Variants in HS3ST5 observed in about 807,000 individuals in gnomAD.
The protein encoded by HS3ST5 is heparan sulfate-glucosamine 3-sulfotransferase 5.
Under a neutral mutation model 25.4 loss-of-function variants are expected in HS3ST5, and 10 were observed. The ratio of observed to expected loss-of-function variants is 0.39; its 90% confidence interval spans 0.24 to 0.67. HS3ST5 has a LOEUF of 0.67. Among genes scored for constraint, HS3ST5 ranks in the 30% least tolerant of loss-of-function variants. The pLI is 0.44. For missense variants in HS3ST5, 324 were observed against 420.7 expected, an observed-to-expected ratio of 0.77 and a Z score of 2.01; for synonymous variants, 170 against 162.4, an observed-to-expected ratio of 1.05 and a Z score of -0.36.
chr6:114,333,642 T>C (rs891568458), intron 1 of HS3ST5, among the ~76,000 whole-genome samples: 2 of 152,030 alleles, frequency 1.3e-5, no homozygotes, highest in Admixed American at 6.6e-5. Flanking sequence ...CTAATATATA[T>C]ATTTTTTTAA....
At chr6:114,187,948 T>C (rs1040526709) in intron 2 of HS3ST5, among the ~76,000 whole-genome samples, 1 of 152,200 alleles carries the variant, frequency 6.6e-6, no homozygotes, top group Non-Finnish European at 1.5e-5. Flanking sequence ...AGATGATCGT[T>C]AGCAATAGAT....
At chr6:114,209,881 A>G (rs1383309718) in intron 2 of HS3ST5, among the ~76,000 whole-genome samples, 1 of 152,176 alleles carries the variant, frequency 6.6e-6, no homozygotes, top group East Asian at 1.9e-4. Context: ...TTCTCCTTTC[A>G]GGGTAATATA....
Position 114,057,083 on chromosome 6 carries a change from G to A in HS3ST5, c.*174C>T, listed in dbSNP as rs1347033307. 7 of 482,156 alleles carry A rather than the reference G, an allele frequency of 1.5e-5. No individual in the cohort carries two copies. The highest frequency in any genetic ancestry group is 2.0e-5 in the African/African-American group (1 of 50,322). The allele number at this position is 482,156 out of a possible 1,614,324, so 29.9% of individuals were successfully genotyped here. On this transcript the variant is annotated 3_prime_UTR_variant, in exon 5 of 5. Transcript: ENST00000312719. ...TGCAGACAGCAATTTTTTTTTTTTC[G>A]TAAATTTTCAGTAGAAAAAGAACTG...
intron 2 of HS3ST5, among the ~76,000 whole-genome samples, chr6:114,188,821 A>T (rs979616799): frequency 6.6e-6 from 1 of 152,140 alleles, no homozygotes; most frequent in African/African-American, 2.4e-5. Flanking sequence ...TTATTACAGT[A>T]TTATTGCCAT....
At chr6:114,140,216 C>A (rs372681574) in intron 3 of HS3ST5, among the ~76,000 whole-genome samples, 96 of 152,260 alleles carry the variant, frequency 6.3e-4, no homozygotes, top group African/African-American at 2.3e-3. Context: ...TCTATACTGG[C>A]TATCAATTTC....
intron 1 of HS3ST5, among the ~76,000 whole-genome samples, chr6:114,256,313 G>A (rs556334219): frequency 5.9e-5 from 9 of 151,838 alleles, no homozygotes; most frequent in East Asian, 3.9e-4. Context: ...GCGTGAACCC[G>A]GGAGGCAGAG....
intron 3 of HS3ST5, among the ~76,000 whole-genome samples, chr6:114,093,353 T>TTGTGTGTGTGTG (rs60927880): frequency 1.0e-4 from 14 of 134,328 alleles, no homozygotes; most frequent in African/African-American, 3.5e-4. Flanking sequence ...GTTTGTTTGT[T>TTGTGTGTGTGTG]TGTGTGTGTG....
chr6:114,148,329 C>G (rs1778268997), intron 3 of HS3ST5, among the ~76,000 whole-genome samples: 1 of 151,968 alleles, frequency 6.6e-6, no homozygotes, highest in Non-Finnish European at 1.5e-5. Flanking sequence ...CATAAAAACC[C>G]TAGAAGAGGC....
intron 3 of HS3ST5, among the ~76,000 whole-genome samples, chr6:114,158,491 T>C (rs1254085289): frequency 1.3e-5 from 2 of 152,184 alleles, no homozygotes; most frequent in Non-Finnish European, 2.9e-5. Context: ...ATGTGTGTTA[T>C]GTCATTTTGT....
chr6:114,293,635 G>C (rs1774682508), intron 1 of HS3ST5, among the ~76,000 whole-genome samples: 1 of 152,134 alleles, frequency 6.6e-6, no homozygotes, highest in Admixed American at 6.5e-5. Context: ...TTATGTATTT[G>C]TGAATTATCT....
intron 2 of HS3ST5, among the ~76,000 whole-genome samples, chr6:114,222,525 A>C (rs574013476): frequency 6.6e-6 from 1 of 152,008 alleles, no homozygotes; most frequent in Admixed American, 6.6e-5. Context: ...TCAAGCCACT[A>C]TCATTTATAA....
At chr6:114,127,601 G>A (rs1777106375) in intron 3 of HS3ST5, among the ~76,000 whole-genome samples, 1 of 151,944 alleles carries the variant, frequency 6.6e-6, no homozygotes, top group African/African-American at 2.4e-5. Flanking sequence ...AAATTACCTG[G>A]GCAAATAACC....
chr6:114,249,699 G>T (rs901973337), intron 1 of HS3ST5, among the ~76,000 whole-genome samples: 26 of 152,222 alleles, frequency 1.7e-4, no homozygotes, highest in African/African-American at 6.3e-4. Context: ...ATTTGGGACA[G>T]CTCTGGGGAG....
intron 3 of HS3ST5, among the ~76,000 whole-genome samples, chr6:114,115,881 GAGA>G (rs369298385): frequency 3.3e-5 from 5 of 152,158 alleles, no homozygotes; most frequent in African/African-American, 1.2e-4. Flanking sequence ...ATTTAGTACA[GAGA>G]AGGTTAGTGA....
chr6:114,316,527 A>C (rs1775754473), intron 1 of HS3ST5, among the ~76,000 whole-genome samples: 1 of 152,234 alleles, frequency 6.6e-6, no homozygotes, highest in Non-Finnish European at 1.5e-5. Context: ...GGGGACAAGA[A>C]ATGGAGAACA....
At chr6:114,173,487 T>C (rs1023653744) in intron 2 of HS3ST5, among the ~76,000 whole-genome samples, 1 of 152,164 alleles carries the variant, frequency 6.6e-6, no homozygotes, top group African/African-American at 2.4e-5. Flanking sequence ...TCAAAGAAAT[T>C]TCTAATGAAC....
intron 1 of HS3ST5, among the ~76,000 whole-genome samples, chr6:114,232,952 A>G (rs969274368): frequency 4.0e-5 from 6 of 151,840 alleles, no homozygotes; most frequent in African/African-American, 1.5e-4. Flanking sequence ...AACTTTTAAT[A>G]CCTTTCCACA....
chr6:114,254,857 T>C (rs1018458320), intron 1 of HS3ST5, among the ~76,000 whole-genome samples: 6 of 152,042 alleles, frequency 3.9e-5, no homozygotes, highest in Admixed American at 1.3e-4. Flanking sequence ...CCACAAAACA[T>C]TGGAATTAGG....
At chr6:114,184,038 C>A (rs182579183) in intron 2 of HS3ST5, among the ~76,000 whole-genome samples, 1 of 102,790 alleles carries the variant, frequency 9.7e-6, no homozygotes, top group Admixed American at 9.5e-5. Flanking sequence ...GAGAAGATTT[C>A]TTTTCTTTTT....
Sources: allele counts gnomAD v4.1 joint callset (sites outside exome capture counted in the v4.1 genomes callset), GRCh38; gene constraint gnomAD v4.1.1; transcripts MANE v1.5; gene names NCBI Gene and HGNC (gene_info 2026-07-23, HGNC 2026-07-21).